The following GRAMD1C variants were observed in gnomAD, a reference collection of about 807,000 sequenced individuals.
The protein encoded by GRAMD1C is protein Aster-C.
In GRAMD1C, 89 loss-of-function variants were observed where a neutral mutation model predicts 97.8. That is an observed-to-expected ratio of 0.91 (90% CI 0.77 to 1.09). GRAMD1C has a LOEUF of 1.09. Ranked by LOEUF, GRAMD1C falls within the 50% of genes least tolerant of loss-of-function variation. The pLI is 0.00. For missense variants in GRAMD1C, 740 were observed against 766.4 expected, an observed-to-expected ratio of 0.97 and a Z score of 0.41; for synonymous variants, 256 against 267.0, an observed-to-expected ratio of 0.96 and a Z score of 0.40.
chr3:113,912,171 G>C (rs1255355499), intron 9 of GRAMD1C, among the ~76,000 whole-genome samples: 1 of 152,082 alleles, frequency 6.6e-6, no homozygotes, highest in Non-Finnish European at 1.5e-5. Context: ...GAGTTAAAGG[G>C]GTAGAGAGAG....
intron 13 of GRAMD1C, among the ~76,000 whole-genome samples, chr3:113,935,830 AT>A (rs1937568822): frequency 6.6e-6 from 1 of 152,124 alleles, no homozygotes; most frequent in Non-Finnish European, 1.5e-5. Flanking sequence ...TTGTTTACAG[AT>A]TTTCTTTGTG....
intron 10 of GRAMD1C, among the ~76,000 whole-genome samples, chr3:113,922,042 G>A (rs13087566): frequency 0.15 from 22,339 of 151,698 alleles, 1,751 homozygotes; most frequent in South Asian, 0.21. Flanking sequence ...GCTAGGGCCT[G>A]TGTCCAGAAT....
rs1025843091 is a variant in GRAMD1C at position 113,945,610 on chromosome 3, A to C, written c.*132A>C. On this transcript the variant is annotated 3_prime_UTR_variant, in exon 18 of 18. Transcript: ENST00000358160. ...CATTATTGAGATTTCTAATATGAAC[A>C]TTTCTTTCAGTAACATTTATTTGAT... 1.7e-6 allele frequency: 1 copy of C among 586,552 alleles called. No homozygotes were observed. Among genetic ancestry groups the C allele is most frequent in the Non-Finnish European group, 3.1e-6 (1 of 327,366 alleles). 36.3% of individuals were successfully genotyped at this position (586,552 alleles called of 1,614,324 possible).
chr3:113,851,299 G>C (rs767859476), intron 2 of GRAMD1C, among the ~76,000 whole-genome samples: 1 of 152,024 alleles, frequency 6.6e-6, no homozygotes, highest in Non-Finnish European at 1.5e-5. Context: ...TCAGGTCTTT[G>C]ATTTAGGAAG....
intron 6 of GRAMD1C, among the ~76,000 whole-genome samples, chr3:113,888,063 T>G (rs1017547284): frequency 2.0e-5 from 3 of 151,792 alleles, no homozygotes; most frequent in Non-Finnish European, 4.4e-5. Context: ...CTGTTTACAG[T>G]AGAATTAACA....
chr3:113,907,977 G>C (rs947668149), intron 8 of GRAMD1C, among the ~76,000 whole-genome samples: 1 of 152,070 alleles, frequency 6.6e-6, no homozygotes, highest in African/African-American at 2.4e-5. Flanking sequence ...AATAATCTCT[G>C]CATGAAGAAT....
chr3:113,846,131 A>G (rs549594196), intron 2 of GRAMD1C, among the ~76,000 whole-genome samples: 49 of 149,914 alleles, frequency 3.3e-4, no homozygotes, highest in African/African-American at 1.2e-3. Context: ...TTTGAGGCAG[A>G]GTTTCGCTCT....
chr3:113,915,663 G>T (rs1936783894), intron 9 of GRAMD1C, 38 bp from the exon 10 acceptor site: 5 of 1,560,562 alleles, frequency 3.2e-6, no homozygotes, highest in Non-Finnish European at 3.5e-6. Flanking sequence ...AACTTTCTTT[G>T]ATTTCTTCTC....
At chr3:113,879,363 C>T (rs549258467) in intron 5 of GRAMD1C, among the ~76,000 whole-genome samples, 68 of 152,196 alleles carry the variant, frequency 4.5e-4, no homozygotes, top group Middle Eastern at 3.4e-3. Context: ...GTTGCTGTCC[C>T]CACCCTGCTC....
intron 2 of GRAMD1C, among the ~76,000 whole-genome samples, chr3:113,861,123 CA>C (rs1380860788): frequency 1.3e-5 from 2 of 151,968 alleles, no homozygotes; most frequent in Non-Finnish European, 2.9e-5. Context: ...ACAAATGATA[CA>C]ACTAGATATA....
intron 6 of GRAMD1C, among the ~76,000 whole-genome samples, chr3:113,887,330 G>A (rs1200271647): frequency 6.6e-6 from 1 of 151,690 alleles, no homozygotes; most frequent in Non-Finnish European, 1.5e-5. Context: ...GACCTCTGGT[G>A]TTTCACCCAC....
chr3:113,857,967 T>C (rs1934216310), intron 2 of GRAMD1C, among the ~76,000 whole-genome samples: 1 of 152,196 alleles, frequency 6.6e-6, no homozygotes, highest in African/African-American at 2.4e-5. Flanking sequence ...TTTCTATTTT[T>C]TGTAATCTAT....
At chr3:113,902,933 C>T (rs1936229417) in intron 7 of GRAMD1C, among the ~76,000 whole-genome samples, 2 of 151,672 alleles carry the variant, frequency 1.3e-5, no homozygotes, top group Non-Finnish European at 2.9e-5. Context: ...TCAGCCACTG[C>T]ACCTGGCCTG....
Position 113,875,510 on chromosome 3 carries a change from A to T in GRAMD1C, c.286A>T (p.Ile96Phe), listed in dbSNP as rs760779280. 1 of 1,524,076 alleles carries T rather than the reference A, an allele frequency of 6.6e-7. No individual in the cohort carries two copies. The highest frequency in any genetic ancestry group is 1.1e-5 in the South Asian group (1 of 89,384). The allele number at this position is 1,524,076 out of a possible 1,614,324, so 94.4% of individuals were successfully genotyped here. A position where few individuals can be genotyped will look rare whatever the true frequency, so the allele number is the denominator to read the frequency against. ...ADYACALQRD[I>F]LLQGRLYLSE... ...TTATGCTTGTGCTCTTCAGAGGGACATTTTGCTTCAGGGACGACTATACCT... is the reference window on the plus strand; with the variant it reads ...TTATGCTTGTGCTCTTCAGAGGGACTTTTTGCTTCAGGGACGACTATACCT... Residue 96 changes from isoleucine to phenylalanine, a missense_variant, in exon 4 of 18, where the codon ATT becomes TTT. Ile to Phe is a conservative substitution (Grantham distance 21). Coordinates refer to ENST00000358160, the MANE Select transcript of GRAMD1C (RefSeq NM_017577.5).
At chr3:113,834,895 G>A (rs898348027), upstream of GRAMD1C, among the ~76,000 whole-genome samples, 3 of 149,346 alleles carry the variant, frequency 2.0e-5, no homozygotes, top group Admixed American at 1.3e-4. Context: ...AACTGAGGTC[G>A]TGCCATTGCA....
At chr3:113,863,746 T>G (rs924113516) in intron 2 of GRAMD1C, among the ~76,000 whole-genome samples, 3 of 152,204 alleles carry the variant, frequency 2.0e-5, no homozygotes, top group East Asian at 3.9e-4. Context: ...GAGTTGCAGT[T>G]GCACACTGGT....
chr3:113,904,085 T>C, intron 7 of GRAMD1C, 55 bp from the exon 8 acceptor site: 1 of 1,418,386 alleles, frequency 7.1e-7, no homozygotes, highest in Admixed American at 1.8e-5. Flanking sequence ...GGAGACCAAA[T>C]CATTTATTTG....
At chr3:113,888,480 TTAAG>T (rs1030116409) in intron 6 of GRAMD1C, among the ~76,000 whole-genome samples, 7 of 152,254 alleles carry the variant, frequency 4.6e-5, no homozygotes, top group African/African-American at 1.7e-4. Flanking sequence ...AGAGTAGATC[TTAAG>T]TTTTTTCACC....
chr3:113,850,412 C>A (rs965468921), intron 2 of GRAMD1C: 5 of 1,030,770 alleles, frequency 4.9e-6, no homozygotes, highest in Non-Finnish European at 7.6e-6. Flanking sequence ...ACCCTCCAGA[C>A]CTTTAGGCCA....
Sources: gnomAD v4.1 joint callset for allele counts (sites outside exome capture counted in the v4.1 genomes callset) on GRCh38, gnomAD v4.1.1 for gene constraint, MANE v1.5 for transcripts, NCBI Gene and HGNC (gene_info 2026-07-23, HGNC 2026-07-21) for gene names.